The following TENM1 variants were observed in gnomAD, a reference collection of about 807,000 sequenced individuals.
TENM1 encodes teneurin-1.
Under a neutral mutation model 174.8 loss-of-function variants are expected in TENM1, and 35 were observed. The observed-to-expected ratio is 0.20, with a 90% CI of 0.15 to 0.27. The LOEUF (loss-of-function observed/expected upper bound fraction) is 0.27. TENM1 is among the 10% of genes least tolerant of loss of function. The pLI is 1.00. For missense variants in TENM1, 1,633 were observed against 2,130.1 expected (o/e 0.77, Z 4.59); for synonymous variants, 781 against 798.7 (o/e 0.98, Z 0.37).
chrX:124,757,342 C>T (rs1349906974), intron 3 of TENM1, among the ~76,000 whole-genome samples: 2 of 112,617 alleles, frequency 1.8e-5, no homozygotes, highest in African/African-American at 6.5e-5. Flanking sequence ...TTAAGCCCAT[C>T]AGAAAAGCGC....
chrX:124,702,757 G>A (rs1346152336), intron 5 of TENM1, among the ~76,000 whole-genome samples: 1 of 111,606 alleles, frequency 9.0e-6, no homozygotes, highest in East Asian at 2.8e-4. Context: ...TGGCCTCTAT[G>A]TGACCTCTTA....
At chrX:124,957,115 C>T (rs2058584878) in intron 1 of TENM1, among the ~76,000 whole-genome samples, 1 of 111,512 alleles carries the variant, frequency 9.0e-6, no homozygotes, top group African/African-American at 3.3e-5. Context: ...ACTTCATTTA[C>T]CTAGAACAGT....
chrX:124,946,020 C>A (rs2058397219), intron 1 of TENM1, among the ~76,000 whole-genome samples: 1 of 111,721 alleles, frequency 9.0e-6, no homozygotes, highest in African/African-American at 3.3e-5. Context: ...TCTTCTAGAT[C>A]AAGGGATGTC....
At chrX:125,027,241 C>T in the TENM1 span, among the ~76,000 whole-genome samples, 1 of 110,443 alleles carries the variant, frequency 9.1e-6, no homozygotes, top group African/African-American at 3.3e-5. Context: ...GTACTAAAAC[C>T]AATAACAAAC....
At chrX:125,155,001 A>T in the TENM1 span, among the ~76,000 whole-genome samples, 5 of 111,247 alleles carry the variant, frequency 4.5e-5, no homozygotes, top group African/African-American at 1.6e-4. Context: ...GTGGAAGGGG[A>T]CCCAAGCGGG....
chrX:124,549,695 G>C (rs2048515223), intron 14 of TENM1, among the ~76,000 whole-genome samples: 1 of 110,786 alleles, frequency 9.0e-6, no homozygotes, highest in Admixed American at 9.7e-5. Flanking sequence ...CATCAGCAAG[G>C]CTCCTGTTGA....
chrX:124,585,956 C>T (rs772125961), intron 11 of TENM1, among the ~76,000 whole-genome samples: 111 of 109,450 alleles, frequency 1.0e-3, no homozygotes, highest in African/African-American at 2.8e-3. Context: ...ATAAATTCCT[C>T]GACACATACA....
chrX:124,593,450 A>C (rs2049811472), intron 11 of TENM1, among the ~76,000 whole-genome samples: 1 of 111,350 alleles, frequency 9.0e-6, no homozygotes, highest in South Asian at 3.8e-4. Flanking sequence ...CTTGGTGTGG[A>C]GCGGAAGGGG....
the TENM1 span, among the ~76,000 whole-genome samples, chrX:125,203,585 C>A: frequency 8.9e-6 from 1 of 112,595 alleles, no homozygotes; most frequent in African/African-American, 3.2e-5. Flanking sequence ...GGTCCAGAGC[C>A]CCATGGCCGG....
intron 3 of TENM1, among the ~76,000 whole-genome samples, chrX:124,848,417 C>A (rs907778255): frequency 6.3e-5 from 7 of 111,162 alleles, no homozygotes; most frequent in Non-Finnish European, 1.3e-4. Context: ...AAGAGTAACA[C>A]ATTGCTGATT....
intron 27 of TENM1, among the ~76,000 whole-genome samples, chrX:124,397,976 C>A (rs1273995243): frequency 9.2e-6 from 1 of 109,036 alleles, no homozygotes; most frequent in Non-Finnish European, 1.9e-5. Flanking sequence ...CGTCTGTAAT[C>A]CCAGCACTTT....
chrX:124,550,761 A>ATT (rs59121201), intron 14 of TENM1, among the ~76,000 whole-genome samples: 1,757 of 101,525 alleles, frequency 0.017, 35 homozygotes, highest in South Asian at 0.17. Context: ...CTTTGGCTCT[A>ATT]TTTTTTTTTT....
At chrX:124,441,242 T>C (rs1016435601) in intron 23 of TENM1, among the ~76,000 whole-genome samples, 1 of 111,852 alleles carries the variant, frequency 8.9e-6, no homozygotes, top group African/African-American at 3.2e-5. Flanking sequence ...AGAACACTCT[T>C]AGTCAAAGGA....
At chrX:124,838,733 T>C (rs1422246061) in intron 3 of TENM1, among the ~76,000 whole-genome samples, 2 of 111,078 alleles carry the variant, frequency 1.8e-5, no homozygotes, top group African/African-American at 3.3e-5. Context: ...GTGTTGGTGA[T>C]GATATGGGAA....
At chrX:124,718,604 T>G (rs2053240719) in intron 4 of TENM1, among the ~76,000 whole-genome samples, 1 of 111,870 alleles carries the variant, frequency 8.9e-6, no homozygotes. Context: ...GAGGCTCAGA[T>G]TTAAATGGAT....
rs1296882779 is a variant in TENM1, at chrX:124,756,929, C to T, written c.536-19732G>A. ...GGGGGTGCCTCCCAGTTAGGCTGCT[C>T]GGGGGTCAGGGGTCAGGGACCCACT... On this transcript the variant is annotated intron_variant, in intron 3 of 31. Coordinates refer to ENST00000422452, the Ensembl canonical transcript of TENM1. Among the ~76,000 whole-genome samples the T allele has an allele frequency of 7.1e-5, 8 of 112,047 alleles. No individual in the cohort carries two copies. The South Asian group carries it at 1.5e-3, about 21-fold the overall frequency.
chrX:124,523,440 G>A, exon 17 of TENM1: 3 of 1,211,180 alleles, frequency 2.5e-6, no homozygotes, highest in Non-Finnish European at 3.4e-6. Flanking sequence ...AAGCACAATA[G>A]GGTTTGGGCT....
At chrX:125,145,798 T>A in the TENM1 span, among the ~76,000 whole-genome samples, 6 of 112,204 alleles carry the variant, frequency 5.3e-5, no homozygotes, top group African/African-American at 1.9e-4. Flanking sequence ...TTTACCGGCA[T>A]AGGACAAAGT....
At chrX:125,096,456 G>A in the TENM1 span, among the ~76,000 whole-genome samples, 2 of 111,983 alleles carry the variant, frequency 1.8e-5, no homozygotes, top group African/African-American at 6.5e-5. Flanking sequence ...ATGTTTTCTT[G>A]GAGAAAGAGT....
Sources: gnomAD v4.1 joint callset for allele counts (sites outside exome capture counted in the v4.1 genomes callset) on GRCh38, gnomAD v4.1.1 for gene constraint, MANE v1.5 for transcripts, NCBI Gene and HGNC (gene_info 2026-07-23, HGNC 2026-07-21) for gene names.